SPRY3: variants seen among roughly 807,000 people sequenced by gnomAD.
SPRY3 encodes the protein sprouty RTK signaling antagonist 3.
A neutral mutation model predicts 20.2 loss-of-function variants in SPRY3; 15 were observed. The ratio of observed to expected loss-of-function variants is 0.74; its 90% CI spans 0.50 to 1.14. The LOEUF (loss-of-function observed/expected upper bound fraction) is 1.14. Ranked by LOEUF, SPRY3 falls within the 50% of genes most tolerant of loss-of-function variation. The pLI, the probability that SPRY3 is intolerant of heterozygous loss-of-function variation, is 0.00. For synonymous variants in SPRY3, 143 were observed against 136.5 expected, an observed-to-expected ratio of 1.05 and a Z score of -0.33; for missense variants, 364 against 363.9, an observed-to-expected ratio of 1.00 and a Z score of 0.00.
At chrX:155,745,308 T>A (rs181126325) in intron 2 of SPRY3, among the ~76,000 whole-genome samples, 198 of 152,226 alleles carry the variant, frequency 1.3e-3, no homozygotes, top group African/African-American at 4.6e-3. Context: ...TAAGGGTGCA[T>A]CAGAGACCCT....
intron 2 of SPRY3, among the ~76,000 whole-genome samples, chrX:155,724,881 G>C (rs775912649): frequency 6.6e-6 from 1 of 152,062 alleles, no homozygotes; most frequent in Admixed American, 6.6e-5. Context: ...GAGAGAGGGC[G>C]TCCTTGTCTT....
At chrX:155,634,077 C>CA (rs782158546) in intron 1 of SPRY3, among the ~76,000 whole-genome samples, 402 of 96,898 alleles carry the variant, frequency 4.1e-3, no homozygotes, top group Middle Eastern at 0.01. Flanking sequence ...GAGACTCCAT[C>CA]AAAAAAAAAA....
intron 1 of SPRY3, among the ~76,000 whole-genome samples, chrX:155,623,051 G>A (rs1253017843): frequency 8.9e-6 from 1 of 111,830 alleles, no homozygotes; most frequent in Non-Finnish European, 1.9e-5. Context: ...TCCCATCACT[G>A]AACCTCACAG....
At chrX:155,742,462 G>C (rs2091208319) in intron 2 of SPRY3, among the ~76,000 whole-genome samples, 1 of 152,100 alleles carries the variant, frequency 6.6e-6, no homozygotes, top group Non-Finnish European at 1.5e-5. Flanking sequence ...AAGATATACA[G>C]GACCTGAACC....
intron 1 of SPRY3, among the ~76,000 whole-genome samples, chrX:155,616,138 T>TCTCTCTCTCTCTCTC (rs2067852736): frequency 2.0e-5 from 2 of 98,453 alleles, no homozygotes; most frequent in Non-Finnish European, 4.2e-5. Flanking sequence ...CTCCTCTCTC[T>TCTCTCTCTCTCTCTC]CTCTCTCTCT....
chrX:155,621,431 A>G (rs2067870723), intron 1 of SPRY3, among the ~76,000 whole-genome samples: 1 of 111,393 alleles, frequency 9.0e-6, no homozygotes, highest in Non-Finnish European at 1.9e-5. Flanking sequence ...AGTCAGACAA[A>G]CATAGGTTTT....
chrX:155,771,256 C>G (rs938038688), intron 3 of SPRY3, among the ~76,000 whole-genome samples: 1 of 152,134 alleles, frequency 6.6e-6, no homozygotes, highest in Non-Finnish European at 1.5e-5. Flanking sequence ...CCCCTTTGAA[C>G]ATAATTCTCA....
intron 2 of SPRY3, among the ~76,000 whole-genome samples, chrX:155,716,781 A>T (rs2091025786): frequency 6.6e-6 from 1 of 151,210 alleles, no homozygotes; most frequent in South Asian, 2.1e-4. Flanking sequence ...GATTCGACAA[A>T]ATATGTGTTC....
intron 2 of SPRY3, among the ~76,000 whole-genome samples, chrX:155,739,787 A>C (rs2091193722): frequency 6.6e-6 from 1 of 152,168 alleles, no homozygotes; most frequent in Non-Finnish European, 1.5e-5. Flanking sequence ...ACAACAACAA[A>C]AAAGACCCCA....
At chrX:155,728,660 A>G (rs2091114991) in intron 2 of SPRY3, among the ~76,000 whole-genome samples, 2 of 152,204 alleles carry the variant, frequency 1.3e-5, no homozygotes, top group African/African-American at 4.8e-5. Flanking sequence ...TGCTAAGACC[A>G]TGGGAAAAGC....
intron 2 of SPRY3, among the ~76,000 whole-genome samples, chrX:155,749,621 T>C: frequency 1.3e-5 from 2 of 151,918 alleles, no homozygotes; most frequent in Admixed American, 1.3e-4. Context: ...CAGTGGGCTG[T>C]GTGAGAAAGA....
At chrX:155,726,545 G>C (rs1403035426) in intron 2 of SPRY3, among the ~76,000 whole-genome samples, 1 of 152,116 alleles carries the variant, frequency 6.6e-6, no homozygotes, top group Non-Finnish European at 1.5e-5. Context: ...AGCTCTTCTT[G>C]TTGAATTTAT....
At chrX:155,742,602 T>A (rs2091208879) in intron 2 of SPRY3, among the ~76,000 whole-genome samples, 1 of 152,096 alleles carries the variant, frequency 6.6e-6, no homozygotes, top group Admixed American at 6.6e-5. Context: ...AGTAAAACAC[T>A]CCTCAGCAAA....
At chrX:155,733,637 A>G (rs1704723693) in intron 2 of SPRY3, among the ~76,000 whole-genome samples, 1 of 152,058 alleles carries the variant, frequency 6.6e-6, no homozygotes. Context: ...GCCCTTAACA[A>G]GAGAGTCAGC....
intron 2 of SPRY3, among the ~76,000 whole-genome samples, chrX:155,719,218 A>C (rs1245760483): frequency 6.6e-6 from 1 of 152,132 alleles, no homozygotes; most frequent in African/African-American, 2.4e-5. Context: ...TTATAGCAGA[A>C]AACAAACCAA....
chrX:155,703,298 T>A (rs1164074711), intron 2 of SPRY3, among the ~76,000 whole-genome samples: 3 of 8,078 alleles, frequency 3.7e-4, no homozygotes, highest in Non-Finnish European at 8.5e-4. Flanking sequence ...TCAGAGCCTG[T>A]TATTGGTCTA....
At chrX:155,624,784 A>G (rs2067883042) in intron 1 of SPRY3, among the ~76,000 whole-genome samples, 1 of 112,004 alleles carries the variant, frequency 8.9e-6, no homozygotes, top group Non-Finnish European at 1.9e-5. Context: ...CAGGATAATG[A>G]ACTTAATAGA....
intron 2 of SPRY3, among the ~76,000 whole-genome samples, chrX:155,698,617 C>G (rs1274132092): frequency 9.0e-6 from 1 of 111,534 alleles, no homozygotes; most frequent in Admixed American, 9.5e-5. Flanking sequence ...ATTACTTTGA[C>G]CAAGATGGTT....
chrX:155,617,052 G>C (rs1354966870), intron 1 of SPRY3, among the ~76,000 whole-genome samples: 1 of 106,089 alleles, frequency 9.4e-6, no homozygotes, highest in Non-Finnish European at 1.9e-5. Flanking sequence ...CTTGCATGCT[G>C]GTTCCCTTGT....
Sources: allele counts gnomAD v4.1 joint callset (sites outside exome capture counted in the v4.1 genomes callset), GRCh38; gene constraint gnomAD v4.1.1; transcripts MANE v1.5; gene names NCBI Gene and HGNC (gene_info 2026-07-23, HGNC 2026-07-21).